The following VWA3A variants were observed in gnomAD, a reference collection of about 807,000 sequenced individuals.
The protein encoded by VWA3A is von Willebrand factor A domain containing 3A.
Under a neutral mutation model 160.4 loss-of-function variants are expected in VWA3A, and 134 were observed. The ratio of observed to expected loss-of-function variants is 0.84; its 90% confidence interval spans 0.73 to 0.96. VWA3A has a LOEUF of 0.96. Among genes scored for constraint, VWA3A ranks in the 40% least tolerant of loss-of-function variants. VWA3A has a pLI of 0.00. For missense variants in VWA3A, 1,310 were observed against 1,447.9 expected (o/e 0.90, Z 1.55); for synonymous variants, 476 against 543.4 (o/e 0.88, Z 1.72).
Position 22,092,565 on chromosome 16 carries a change from A to G in VWA3A, c.-73A>G. ...TGAGTTGCTTGGAGGAGCTTGGAGA[A>G]ACCAGAAGTGAGATCCAGGAGAAGT... On this transcript the variant is annotated 5_prime_UTR_variant, in exon 1 of 34. Transcript: ENST00000389398. 2 of 1,539,880 alleles carry G rather than the reference A, an allele frequency of 1.3e-6. No individual in the cohort carries two copies. Among genetic ancestry groups the G allele is most frequent in the Non-Finnish European group, 1.8e-6 (2 of 1,139,324 alleles).
chr16:22,151,847 A>G (rs1321650100), intron 30 of VWA3A, among the ~76,000 whole-genome samples: 1 of 152,194 alleles, frequency 6.6e-6, no homozygotes, highest in Non-Finnish European at 1.5e-5. Context: ...CATGAGCCCC[A>G]TAAGTGTAAT....
At chr16:22,140,593 A>G (rs1027510840) in intron 23 of VWA3A, among the ~76,000 whole-genome samples, 1 of 151,160 alleles carries the variant, frequency 6.6e-6, no homozygotes, top group African/African-American at 2.4e-5. Context: ...GTGACAGAGC[A>G]AGACCCTGTC....
chr16:22,100,724 C>A (rs1161544599), intron 5 of VWA3A, among the ~76,000 whole-genome samples: 2 of 151,368 alleles, frequency 1.3e-5, no homozygotes, highest in Non-Finnish European at 2.9e-5. Flanking sequence ...TGCCTGTATC[C>A]CAGCTACCCT....
At chr16:22,108,281 G>A (rs2045508641) in intron 6 of VWA3A, among the ~76,000 whole-genome samples, 1 of 152,154 alleles carries the variant, frequency 6.6e-6, no homozygotes, top group Admixed American at 6.5e-5. Flanking sequence ...GTATGGTGAT[G>A]GAAATTGTAC....
chr16:22,149,303 G>A (rs2046307211), intron 28 of VWA3A, among the ~76,000 whole-genome samples: 1 of 152,176 alleles, frequency 6.6e-6, no homozygotes, highest in Admixed American at 6.5e-5. Context: ...GCAGTGGTGT[G>A]ATCATAGCTC....
intron 2 of VWA3A, 25 bp from the exon 3 acceptor site, chr16:22,097,547 G>T (rs2045345466): frequency 2.6e-6 from 4 of 1,550,158 alleles, no homozygotes; most frequent in East Asian, 2.4e-5. Context: ...CTGGGGCATT[G>T]ATCAAATTAC....
chr16:22,132,555 T>TA (rs914809895), intron 19 of VWA3A, among the ~76,000 whole-genome samples: 1 of 151,766 alleles, frequency 6.6e-6, no homozygotes, highest in African/African-American at 2.4e-5. Flanking sequence ...CTCTTTAAAA[T>TA]ACATACATAC....
rs139878669 is a variant in VWA3A at position 22,156,223 on chromosome 16, G to A, written c.*206G>A. 8 of 342,512 alleles carry A rather than the reference G, an allele frequency of 2.3e-5. No homozygotes were observed. The highest frequency in any genetic ancestry group is 9.1e-5 in the Admixed American group (2 of 21,922). The allele number at this position is 342,512 out of a possible 1,614,324, so 21.2% of individuals were successfully genotyped here. A position where few individuals can be genotyped will look rare whatever the true frequency, so the allele number is the denominator to read the frequency against. On this transcript the variant is annotated 3_prime_UTR_variant, in exon 34 of 34. Transcript: ENST00000389398. The stretch of plus-strand genomic sequence containing the variant: ...TAATCTAACTCTCCAGCCCTGTCCC[G>A]CAGCGCACTCTACTCTCCAGCCACT...
chr16:22,126,403 G>C (rs945650412), intron 17 of VWA3A, 106 bp downstream of exon 17: 1 of 1,452,858 alleles, frequency 6.9e-7, no homozygotes, highest in South Asian at 1.4e-5. Context: ...TTGACGTCAT[G>C]GTCACCCGGC....
intron 27 of VWA3A, chr16:22,147,500 AG>A (rs757591079): frequency 2.9e-6 from 2 of 685,464 alleles, no homozygotes; most frequent in Non-Finnish European, 5.4e-6. Context: ...GGAGGGAGGA[AG>A]GGAGTCCTAT....
At chr16:22,106,540 T>C (rs955215787) in intron 6 of VWA3A, among the ~76,000 whole-genome samples, 1 of 151,984 alleles carries the variant, frequency 6.6e-6, no homozygotes, top group East Asian at 1.9e-4. Flanking sequence ...TCCAAAAGTC[T>C]TGAGGCAGGA....
At chr16:22,131,553 G>T (rs760805547) in intron 18 of VWA3A, 32 bp from the exon 19 acceptor site, 35 of 1,605,736 alleles carry the variant, frequency 2.2e-5, no homozygotes, top group Non-Finnish European at 2.9e-5. Flanking sequence ...ATGGGCCAAT[G>T]ACCCTCAGCA....
Position 22,121,037 on chromosome 16 carries a change from C to A in VWA3A, c.1186C>A (p.Leu396Ile). ...LPKPPKHDAP[L>I]TIEFPNLDKT... The stretch of plus-strand genomic sequence containing the variant: ...TAAACCCCCAAAGCATGACGCTCCT[C>A]TCACCATTGAGTTTCCAAACTTGGA... Residue 396 changes from leucine (L) to isoleucine (I), a missense_variant, in exon 13 of 34, where the codon CTC (leucine) becomes ATC (isoleucine). Leu to Ile is a conservative substitution (Grantham distance 5). Transcript: ENST00000389398. 1 of 1,614,014 alleles carries A rather than the reference C, an allele frequency of 6.2e-7. No individual in the cohort carries two copies. The highest frequency in any genetic ancestry group is 8.5e-7 in the Non-Finnish European group (1 of 1,179,904).
At chr16:22,115,072 G>A (rs1037309806) in intron 8 of VWA3A, among the ~76,000 whole-genome samples, 1 of 152,040 alleles carries the variant, frequency 6.6e-6, no homozygotes, top group African/African-American at 2.4e-5. Context: ...CCCCAAAAGT[G>A]CTGGGATTAC....
chr16:22,114,080 T>C (rs117363232), intron 8 of VWA3A, among the ~76,000 whole-genome samples: 3,086 of 150,720 alleles, frequency 0.02, 41 homozygotes, highest in Middle Eastern at 0.038. Flanking sequence ...AGCAAAACAG[T>C]GGTTTTAAAT....
At chr16:22,110,729 C>T (rs2045541128) in intron 7 of VWA3A, among the ~76,000 whole-genome samples, 159 bp from the exon 8 acceptor site, 1 of 152,202 alleles carries the variant, frequency 6.6e-6, no homozygotes, top group African/African-American at 2.4e-5. Context: ...AGGCAGGAAG[C>T]AAATGTCGGC....
chr16:22,147,751 C>A (rs911609344), intron 27 of VWA3A: 2 of 688,162 alleles, frequency 2.9e-6, no homozygotes, highest in African/African-American at 1.8e-5. Flanking sequence ...AGAGATCCAG[C>A]GATTTCTTTT....
rs1043580439 is a variant in VWA3A at position 22,140,174 on chromosome 16, C to G, written c.2313C>G (p.Asp771Glu). Residue 771 changes from aspartate (D) to glutamate (E), a missense_variant, in exon 23 of 34, where the codon GAC becomes GAG. Asp to Glu is a conservative substitution (Grantham distance 45). Coordinates refer to ENST00000389398, the MANE Select transcript of VWA3A (RefSeq NM_173615.5). ...TCTAGAGCATTAAAGATGACCCTGA[C>G]AGAGAGAAGAGCCCCCCGCTGAAAT... ...GARMSIKDDP[D>E]REKSPPLKSL... 2 of 1,613,534 alleles carry G rather than the reference C, an allele frequency of 1.2e-6. No homozygotes were observed. Among genetic ancestry groups the G allele is most frequent in the African/African-American group, 2.7e-5 (2 of 74,900 alleles).
rs377184671 is a variant in VWA3A, at chr16:22,134,421, C to G, written c.2122C>G (p.Leu708Val). 5 of 1,594,474 alleles carry G rather than the reference C, an allele frequency of 3.1e-6. No homozygotes were observed. In the African/African-American group the frequency reaches 6.7e-5, roughly 21 times the overall value. ...NSIMSEMEKA[L>V]NYSQKCAFLM... The stretch of plus-strand genomic sequence containing the variant: ...CATCATGTCTGAGATGGAAAAGGCT[C>G]TCAACTACTCCCAAAAGGTATGCCC... The change falls in exon 21 of 34, where the codon CTC (leucine) becomes GTC (valine). Residue 708 changes from leucine (L) to valine (V), a missense_variant. Leu to Val is a conservative substitution (Grantham distance 32). Transcript: ENST00000389398.
Sources: allele counts gnomAD v4.1 joint callset (sites outside exome capture counted in the v4.1 genomes callset), GRCh38; gene constraint gnomAD v4.1.1; transcripts MANE v1.5; gene names NCBI Gene and HGNC (gene_info 2026-07-23, HGNC 2026-07-21).